Variants in DHRSX observed in about 807,000 individuals in gnomAD.
DHRSX encodes the protein polyprenol dehydrogenase.
Under a neutral mutation model 34.0 loss-of-function variants are expected in DHRSX, and 31 were observed. That is an observed-to-expected ratio of 0.91 (90% CI 0.69 to 1.23). The LOEUF (loss-of-function observed/expected upper bound fraction) is 1.23. DHRSX is among the 50% of genes most tolerant of loss of function. The pLI is 0.00. For missense variants in DHRSX, 414 were observed against 428.1 expected, an observed-to-expected ratio of 0.97 and a Z score of 0.29; for synonymous variants, 201 against 183.8, an observed-to-expected ratio of 1.09 and a Z score of -0.76.
At chrX:2,490,299 C>T (rs370120393) in intron 1 of DHRSX, 3 of 1,613,552 alleles carry the variant, frequency 1.9e-6, no homozygotes, top group South Asian at 2.2e-5. Flanking sequence ...ACGATGGAGG[C>T]TGGGTACAGC....
chrX:2,308,820 GAAGA>G (rs1446144385), intron 3 of DHRSX, among the ~76,000 whole-genome samples: 7 of 149,740 alleles, frequency 4.7e-5, no homozygotes, highest in East Asian at 2.0e-4. Flanking sequence ...TGGAAGGAGG[GAAGA>G]AAGAAAGGGA....
intron 3 of DHRSX, among the ~76,000 whole-genome samples, chrX:2,403,485 A>T (rs1359130522): frequency 6.6e-6 from 1 of 152,196 alleles, no homozygotes; most frequent in African/African-American, 2.4e-5. Flanking sequence ...TCGTCATGCT[A>T]CTTGTCCACA....
At chrX:2,455,800 G>C (rs2044288863) in intron 1 of DHRSX, among the ~76,000 whole-genome samples, 1 of 150,998 alleles carries the variant, frequency 6.6e-6, no homozygotes, top group Non-Finnish European at 1.5e-5. Flanking sequence ...TGCTTCTATG[G>C]GGAACATTTT....
intron 5 of DHRSX, among the ~76,000 whole-genome samples, chrX:2,265,581 G>A (rs752052819): frequency 7.3e-6 from 1 of 137,616 alleles, no homozygotes; most frequent in African/African-American, 2.8e-5. Flanking sequence ...AGGGAGCACT[G>A]TCCCCAGAGC....
rs867469438 is a variant in DHRSX at position 2,307,795 on chromosome X, A to T, written c.287-16192T>A. Among the ~76,000 whole-genome samples, 1,008 of 147,864 alleles carry T rather than the reference A, an allele frequency of 6.8e-3. 6 individuals are homozygous for T. Among genetic ancestry groups the T allele is most frequent in the Middle Eastern group, 0.022 (6 of 276 alleles). On this transcript the variant is annotated intron_variant, in intron 3 of 6. Coordinates refer to ENST00000334651, the MANE Select transcript of DHRSX (RefSeq NM_145177.3). ...AAAAAAAAAGTAATAAAAATAAAAAAAATAAAATAAAAAACAAGGAAAAAC... is the reference window on the plus strand; with the variant it reads ...AAAAAAAAAGTAATAAAAATAAAAATAATAAAATAAAAAACAAGGAAAAAC...
At chrX:2,366,370 G>A (rs1296480141) in intron 3 of DHRSX, among the ~76,000 whole-genome samples, 3 of 151,848 alleles carry the variant, frequency 2.0e-5, no homozygotes, top group Non-Finnish European at 2.9e-5. Flanking sequence ...GAACCCAGAG[G>A]TGGAGGCTAC....
chrX:2,463,996 A>G (rs1490301311), intron 1 of DHRSX, among the ~76,000 whole-genome samples: 2 of 152,082 alleles, frequency 1.3e-5, no homozygotes, highest in South Asian at 2.1e-4. Flanking sequence ...CACTGAAGAC[A>G]TTCGCTAAGA....
At chrX:2,332,511 A>G (rs2042492141) in intron 3 of DHRSX, among the ~76,000 whole-genome samples, 1 of 152,212 alleles carries the variant, frequency 6.6e-6, no homozygotes, top group South Asian at 2.1e-4. Context: ...ATTGTGCCAA[A>G]CATTTGGATA....
intron 3 of DHRSX, among the ~76,000 whole-genome samples, chrX:2,311,070 A>T (rs1336452475): frequency 6.6e-6 from 1 of 151,804 alleles, no homozygotes; most frequent in African/African-American, 2.4e-5. Context: ...TCAAAAAAAA[A>T]AAAAAAGAGA....
At chrX:2,307,052 C>T in intron 3 of DHRSX, among the ~76,000 whole-genome samples, 1 of 151,684 alleles carries the variant, frequency 6.6e-6, no homozygotes, top group South Asian at 2.1e-4. Flanking sequence ...ATGAGGGAAT[C>T]AGCCCAGGTG....
intron 1 of DHRSX, among the ~76,000 whole-genome samples, chrX:2,481,033 A>G (rs2044761222): frequency 6.6e-6 from 1 of 152,148 alleles, no homozygotes; most frequent in Non-Finnish European, 1.5e-5. Flanking sequence ...TTAGCTTGTT[A>G]ATATGTTAAT....
chrX:2,228,841 T>TA (rs2124404777), intron 6 of DHRSX, among the ~76,000 whole-genome samples: 1 of 152,222 alleles, frequency 6.6e-6, no homozygotes, highest in African/African-American at 2.4e-5. Flanking sequence ...ACTCCACACT[T>TA]AACTTGTATT....
At chrX:2,406,064 C>T (rs1258354538) in intron 3 of DHRSX, among the ~76,000 whole-genome samples, 3 of 152,080 alleles carry the variant, frequency 2.0e-5, no homozygotes, top group Admixed American at 6.6e-5. Flanking sequence ...GAGGCTGAGG[C>T]GAACGGATCA....
At chrX:2,384,389 C>T (rs1005765104) in intron 3 of DHRSX, among the ~76,000 whole-genome samples, 38 of 152,140 alleles carry the variant, frequency 2.5e-4, no homozygotes, top group East Asian at 1.5e-3. Context: ...AGAACACGGA[C>T]GTGGTTGCAA....
intron 3 of DHRSX, among the ~76,000 whole-genome samples, chrX:2,293,550 GAGGA>G (rs1360955171): frequency 1.3e-5 from 2 of 152,122 alleles, no homozygotes; most frequent in Non-Finnish European, 2.9e-5. Context: ...TCTGAAAGGT[GAGGA>G]TGGGGAATGG....
intron 1 of DHRSX, among the ~76,000 whole-genome samples, chrX:2,491,709 G>T (rs1198893037): frequency 6.6e-6 from 1 of 152,224 alleles, no homozygotes; most frequent in African/African-American, 2.4e-5. Flanking sequence ...CTGTAAGCAC[G>T]TCTGAAGAAG....
chrX:2,404,033 G>T (rs1300477405), intron 3 of DHRSX, among the ~76,000 whole-genome samples: 2 of 152,126 alleles, frequency 1.3e-5, no homozygotes, highest in African/African-American at 2.4e-5. Flanking sequence ...AAGCCGTTCA[G>T]ATTAAAAGCA....
chrX:2,373,398 C>G (rs1008013909), intron 3 of DHRSX, among the ~76,000 whole-genome samples: 6 of 152,120 alleles, frequency 3.9e-5, no homozygotes, highest in African/African-American at 1.4e-4. Flanking sequence ...ATGCTGTGTT[C>G]TGAGGCGAGG....
chrX:2,416,038 T>A (rs2043689170), intron 2 of DHRSX, among the ~76,000 whole-genome samples: 1 of 151,286 alleles, frequency 6.6e-6, no homozygotes, highest in East Asian at 2.0e-4. Flanking sequence ...CAATTAGTTC[T>A]CCTCATGACC....
Sources: gnomAD v4.1 joint callset for allele counts (sites outside exome capture counted in the v4.1 genomes callset) on GRCh38, gnomAD v4.1.1 for gene constraint, MANE v1.5 for transcripts, NCBI Gene and HGNC (gene_info 2026-07-23, HGNC 2026-07-21) for gene names.